PEX14: variants seen among roughly 807,000 people sequenced by gnomAD.
PEX14 encodes the protein peroxisomal biogenesis factor 14.
PEX14 carries 15 observed loss-of-function variants against 49.5 expected under a neutral mutation model. That is an observed-to-expected ratio of 0.30 (90% CI 0.20 to 0.47). The LOEUF is 0.47. Ranked by LOEUF, PEX14 falls within the 20% of genes least tolerant of loss-of-function variation. The probability of loss-of-function intolerance (pLI) is 1.00; values close to 1 mark genes in which losing one functional copy is unlikely to be tolerated. For missense variants in PEX14, 398 were observed against 494.8 expected, an observed-to-expected ratio of 0.80 and a Z score of 1.86; for synonymous variants, 210 against 212.7, an observed-to-expected ratio of 0.99 and a Z score of 0.11.
chr1:10,487,064 C>A (rs962265040), intron 1 of PEX14, among the ~76,000 whole-genome samples: 1 of 151,608 alleles, frequency 6.6e-6, no homozygotes, highest in South Asian at 2.1e-4. Context: ...TTGAGTTGAT[C>A]CTTTTGTTTG....
chr1:10,605,715 AT>A (rs1641107688), intron 4 of PEX14, among the ~76,000 whole-genome samples: 3 of 152,314 alleles, frequency 2.0e-5, no homozygotes, highest in African/African-American at 7.2e-5. Context: ...TGTCTCTTCC[AT>A]TTCTCTCTCA....
chr1:10,573,328 A>G (rs2124554241), intron 3 of PEX14, among the ~76,000 whole-genome samples: 1 of 152,324 alleles, frequency 6.6e-6, no homozygotes, highest in Non-Finnish European at 1.5e-5. Context: ...TGGGCGCAGT[A>G]GCTCACACCT....
chr1:10,563,515 C>G (rs1452153283), intron 3 of PEX14, among the ~76,000 whole-genome samples: 1 of 152,176 alleles, frequency 6.6e-6, no homozygotes, highest in African/African-American at 2.4e-5. Context: ...CTGTCAGCTA[C>G]TCCGGAGGCG....
At chr1:10,577,578 T>G (rs1324110931) in intron 3 of PEX14, among the ~76,000 whole-genome samples, 4 of 13,550 alleles carry the variant, frequency 3.0e-4, no homozygotes, top group African/African-American at 1.2e-3. Context: ...TTTTTTTTTT[T>G]TTTTTTTTTT....
In PEX14 at chr1:10,629,969, C is replaced by T. The variant is rs149856184; in HGVS notation, c.1116C>T (p.Asn372=). 1.7e-4 allele frequency: 267 copies of T among 1,610,328 alleles called. No homozygotes were observed. In the African/African-American group the frequency reaches 2.6e-3, roughly 16 times the overall value. The part of the protein sequence containing the change: ...EKLRRPEGAS[N]ESERD ...TGCGGCGGCCCGAGGGCGCCAGCAA[C>T]GAGAGTGAGCGGGACTAGGGCTGCG... is the stretch of plus-strand genomic sequence containing the variant. Residue 372 remains asparagine (N), a synonymous_variant, in exon 9 of 9, where the codon AAC becomes AAT. Coordinates refer to ENST00000356607, the MANE Select transcript of PEX14 (RefSeq NM_004565.3). The surrounding 1 kb of genome is among the most constrained non-coding windows in gnomAD (Gnocchi z 8.5).
intron 4 of PEX14, among the ~76,000 whole-genome samples, chr1:10,605,835 G>C (rs1480411593): frequency 1.3e-5 from 2 of 152,184 alleles, no homozygotes; most frequent in African/African-American, 2.4e-5. Context: ...TGAGGAAATT[G>C]TGTTTTCTTT....
At chr1:10,520,178 G>T (rs1444282665) in intron 2 of PEX14, among the ~76,000 whole-genome samples, 2 of 67,598 alleles carry the variant, frequency 3.0e-5, no homozygotes, top group African/African-American at 6.3e-5. Flanking sequence ...TTTAACTAGA[G>T]ACAAGGTCTC....
rs1298286701 is a variant in PEX14 at position 10,494,642 on chromosome 1, C to T, written c.37-632C>T. ...GCTGCCTGCTCGCCTGGAGGTTGGT[C>T]TGCTTATATGCCAGCCTGTCACTAG... On this transcript the variant is annotated intron_variant, in intron 1 of 8. Coordinates refer to ENST00000356607, the MANE Select transcript of PEX14 (RefSeq NM_004565.3). This position sits in a 1 kb window ranked among gnomAD's most constrained non-coding sequence, Gnocchi z 4.3. Among the ~76,000 whole-genome samples the T allele has an allele frequency of 6.6e-6, 1 of 152,202 alleles. No individual in the cohort carries two copies. Among genetic ancestry groups the T allele is most frequent in the Non-Finnish European group, 1.5e-5 (1 of 68,032 alleles).
intron 3 of PEX14, among the ~76,000 whole-genome samples, chr1:10,579,609 T>A (rs1570299687): frequency 6.6e-6 from 1 of 152,146 alleles, no homozygotes; most frequent in Non-Finnish European, 1.5e-5. Context: ...GAGCTGCTGG[T>A]TGCCCATTTT....
intron 3 of PEX14, among the ~76,000 whole-genome samples, chr1:10,549,553 A>G (rs986363756): frequency 6.6e-6 from 1 of 152,070 alleles, no homozygotes; most frequent in African/African-American, 2.4e-5. Context: ...TTTTTTCCCA[A>G]TCAAAGGCTC....
In PEX14 at chr1:10,539,003, G is replaced by A. The variant is rs1009520191; in HGVS notation, c.169+2706G>A. On this transcript the variant is annotated intron_variant, in intron 3 of 8. Coordinates refer to ENST00000356607, the MANE Select transcript of PEX14 (RefSeq NM_004565.3). The surrounding 1 kb of genome is among the most constrained non-coding windows in gnomAD (Gnocchi z 4.6). ...TTCCTGAAAAGGCAAATCCAATTTTGTTTTTCTTTTAATATTATTTAATAT... is the reference window on the plus strand; with the variant it reads ...TTCCTGAAAAGGCAAATCCAATTTTATTTTTCTTTTAATATTATTTAATAT... Among the ~76,000 whole-genome samples, 2 of 152,032 alleles carry A rather than the reference G, an allele frequency of 1.3e-5. No homozygotes were observed. Among genetic ancestry groups the A allele is most frequent in the Admixed American group, 6.5e-5 (1 of 15,268 alleles).
At chr1:10,552,762 G>T (rs1023271149) in intron 3 of PEX14, among the ~76,000 whole-genome samples, 10 of 152,132 alleles carry the variant, frequency 6.6e-5, no homozygotes, top group Admixed American at 1.3e-4. Flanking sequence ...GTGGAGGCCT[G>T]GGGGGAGAGC....
chr1:10,554,620 G>A (rs1320752261), intron 3 of PEX14, among the ~76,000 whole-genome samples: 1 of 152,212 alleles, frequency 6.6e-6, no homozygotes, highest in African/African-American at 2.4e-5. Flanking sequence ...TGCCCACACA[G>A]TGCAGTCCAG....
chr1:10,505,994 T>C (rs1465634146), intron 2 of PEX14, among the ~76,000 whole-genome samples: 2 of 152,136 alleles, frequency 1.3e-5, no homozygotes, highest in Non-Finnish European at 2.9e-5. Context: ...TTAGAGTCTT[T>C]TGTGAAATGA....
chr1:10,616,222 C>T (rs1019038431), intron 4 of PEX14, among the ~76,000 whole-genome samples: 6 of 152,096 alleles, frequency 3.9e-5, no homozygotes, highest in Admixed American at 3.3e-4. Flanking sequence ...GAGGTCTTTG[C>T]GACTTGGATC....
At chr1:10,598,723 C>G (rs532552866) in intron 3 of PEX14, among the ~76,000 whole-genome samples, 139 of 152,338 alleles carry the variant, frequency 9.1e-4, no homozygotes, top group African/African-American at 3.1e-3. Context: ...TAATCACAGT[C>G]AGTCCTGATT....
chr1:10,515,202 A>G (rs769958580), intron 2 of PEX14, among the ~76,000 whole-genome samples: 3 of 152,210 alleles, frequency 2.0e-5, no homozygotes, highest in Non-Finnish European at 2.9e-5. Flanking sequence ...TCAGACTCTT[A>G]ATACATTAAA....
intron 4 of PEX14, among the ~76,000 whole-genome samples, chr1:10,605,972 C>T (rs1321669090): frequency 1.3e-5 from 2 of 152,130 alleles, no homozygotes; most frequent in Non-Finnish European, 2.9e-5. Flanking sequence ...GTAAGTATCA[C>T]GGGAAGGAAC....
intron 2 of PEX14, among the ~76,000 whole-genome samples, chr1:10,509,839 T>C (rs768597173): frequency 2.0e-5 from 3 of 152,256 alleles, no homozygotes; most frequent in Non-Finnish European, 4.4e-5. Context: ...TATTTTATTC[T>C]TTTACGCTTT....
Sources: gnomAD v4.1 joint callset for allele counts (sites outside exome capture counted in the v4.1 genomes callset) on GRCh38, gnomAD v4.1.1 for gene constraint, Gnocchi (gnomAD v3.1) non-coding constraint, MANE v1.5 for transcripts, NCBI Gene and HGNC (gene_info 2026-07-23, HGNC 2026-07-21) for gene names.